Variants in N4BP2L1 observed in about 807,000 individuals in gnomAD.
N4BP2L1 encodes the protein NEDD4 binding protein 2 like 1.
Under a neutral mutation model 21.2 loss-of-function variants are expected in N4BP2L1, and 12 were observed. The ratio of observed to expected loss-of-function variants is 0.57; its 90% confidence interval spans 0.36 to 0.92. The LOEUF (loss-of-function observed/expected upper bound fraction) is 0.92. Among genes scored for constraint, N4BP2L1 ranks in the 40% least tolerant of loss-of-function variants. The probability of loss-of-function intolerance (pLI) is 0.01; values close to 1 mark genes in which losing one functional copy is unlikely to be tolerated. For synonymous variants in N4BP2L1, 104 were observed against 112.8 expected (o/e 0.92, Z 0.49); for missense variants, 259 against 310.6 (o/e 0.83, Z 1.25).
rs779542792 is a variant in N4BP2L1, at chr13:32,427,913, G to T, written c.170C>A (p.Thr57Lys). Residue 57 changes from threonine (T) to lysine (K), a missense_variant, in exon 1 of 5, where the codon ACA becomes AAA. By Grantham distance (78) the Thr-to-Lys change is moderately conservative. Transcript: ENST00000380130. ...LRGLPGSGKT[T>K]LARQLQHDFP... ...AGACCGCTGTCATTACCTGGCCAGTGTAGTTTTCCCGGAGCCCGGGAGGCC... is the reference window on the plus strand; with the variant it reads ...AGACCGCTGTCATTACCTGGCCAGTTTAGTTTTCCCGGAGCCCGGGAGGCC... 6.6e-7 allele frequency: 1 copy of T among 1,517,326 alleles called. No individual in the cohort carries two copies. Among genetic ancestry groups the T allele is most frequent in the Non-Finnish European group, 8.8e-7 (1 of 1,131,700 alleles). 94.0% of individuals were successfully genotyped at this position (1,517,326 alleles called of 1,614,324 possible). A position where few individuals can be genotyped will look rare whatever the true frequency, so the allele number is the denominator to read the frequency against.
In N4BP2L1 at chr13:32,406,077, AT is replaced by A. The variant is rs1161096431; in HGVS notation, c.396+1172del. 6.4e-3 allele frequency among the ~76,000 whole-genome samples: 874 copies of A among 136,450 alleles called. 1 individual carries two copies. The highest frequency in any genetic ancestry group is 8.1e-3 in the Non-Finnish European group (501 of 62,220). 89.5% of individuals were successfully genotyped at this position (136,450 alleles called of 152,430 possible). On this transcript the variant is annotated intron_variant, in intron 3 of 4. Transcript: ENST00000380130. ...GCCACCACGCCCGGCTAATTTTTGT[AT>A]TTTTTTTTTTTTAGTAGAGACGGGG... is the stretch of plus-strand genomic sequence containing the variant.
At position 32,411,797 on chromosome 13, in the gene N4BP2L1, T is replaced by C. The variant is rs2073878502; in HGVS notation, c.180-4025A>G. Reference sequence around the variant, plus strand: ...TTAATAATAGAGAACCATAGAGATATATTTAGATATCTCTTCAGCCAGTCA... The same window carrying C: ...TTAATAATAGAGAACCATAGAGATACATTTAGATATCTCTTCAGCCAGTCA... On this transcript the variant is annotated intron_variant, in intron 1 of 4. Coordinates refer to ENST00000380130, the MANE Select transcript of N4BP2L1 (RefSeq NM_052818.3). 4 of 974,272 alleles carry C rather than the reference T, an allele frequency of 4.1e-6. No individual in the cohort carries two copies. The South Asian group carries it at 1.9e-4, about 46-fold the overall frequency. 60.4% of individuals were successfully genotyped at this position (974,272 alleles called of 1,614,324 possible).
chr13:32,405,495 G>A (rs2073419801), intron 3 of N4BP2L1, among the ~76,000 whole-genome samples: 1 of 152,118 alleles, frequency 6.6e-6, no homozygotes. Flanking sequence ...GGGAGACAGA[G>A]CGAGACTCTC....
chr13:32,417,137 C>G (rs2074194401), intron 1 of N4BP2L1, among the ~76,000 whole-genome samples: 1 of 152,146 alleles, frequency 6.6e-6, no homozygotes, highest in Non-Finnish European at 1.5e-5. Flanking sequence ...TATAGAGTCC[C>G]AAGCTGTGTG....
chr13:32,409,758 G>C (rs570916462), intron 1 of N4BP2L1, among the ~76,000 whole-genome samples: 10 of 152,296 alleles, frequency 6.6e-5, no homozygotes, highest in East Asian at 3.9e-4. Context: ...CTGCCTCTTG[G>C]GGGAGGGGCT....
chr13:32,415,338 G>T (rs2074076143), intron 1 of N4BP2L1, among the ~76,000 whole-genome samples: 1 of 152,168 alleles, frequency 6.6e-6, no homozygotes, highest in Non-Finnish European at 1.5e-5. Flanking sequence ...AAAGAAGAAA[G>T]GGTAGTTAAC....
chr13:32,409,333 C>A (rs2137794327), intron 1 of N4BP2L1, among the ~76,000 whole-genome samples: 1 of 152,230 alleles, frequency 6.6e-6, no homozygotes, highest in Admixed American at 6.5e-5. Flanking sequence ...AAACCAAATG[C>A]ATTTTCTTTT....
At chr13:32,404,489 T>C in intron 3 of N4BP2L1, 92 bp from the exon 4 acceptor site, 1 of 888,722 alleles carries the variant, frequency 1.1e-6, no homozygotes, top group Non-Finnish European at 1.8e-6. Flanking sequence ...ACAAATCTTT[T>C]CAGAATTCCT....
At position 32,423,825 on chromosome 13, in the gene N4BP2L1, G is replaced by A. The variant is rs139564283; in HGVS notation, c.179+4079C>T. On this transcript the variant is annotated intron_variant, in intron 1 of 4. Coordinates refer to ENST00000380130, the MANE Select transcript of N4BP2L1 (RefSeq NM_052818.3). ...GCTTAATGGGCACAGAGTGTGTTTGGAGTGATAAGAAATTTTTGAAATAGA... is the reference window on the plus strand; with the variant it reads ...GCTTAATGGGCACAGAGTGTGTTTGAAGTGATAAGAAATTTTTGAAATAGA... Among the ~76,000 whole-genome samples the A allele has an allele frequency of 1.7e-3, 259 of 152,326 alleles. 4 individuals carry two copies. In the East Asian group the frequency reaches 0.043, roughly 25 times the overall value.
chr13:32,422,599 C>T (rs529332321), intron 1 of N4BP2L1, among the ~76,000 whole-genome samples: 1 of 152,354 alleles, frequency 6.6e-6, no homozygotes, highest in Non-Finnish European at 1.5e-5. Flanking sequence ...ATTGTTCCAA[C>T]AGCTCCAGGA....
At chr13:32,411,578 A>T in intron 1 of N4BP2L1, 1 of 985,350 alleles carries the variant, frequency 1.0e-6, no homozygotes, top group Non-Finnish European at 1.2e-6. Flanking sequence ...TTCTATCTTT[A>T]TGGTGGTCAG....
intron 1 of N4BP2L1, among the ~76,000 whole-genome samples, chr13:32,412,493 G>A (rs545185728): frequency 6.6e-6 from 1 of 151,904 alleles, no homozygotes; most frequent in Non-Finnish European, 1.5e-5. Flanking sequence ...CCAGACTGGT[G>A]GTGCACACCT....
At position 32,419,412 on chromosome 13, in the gene N4BP2L1, A is replaced by ATTTTTTTTTTT. The variant is rs71071039; in HGVS notation, c.179+8481_179+8491dup. Reference sequence around the variant, plus strand: ...GGGTGCTTGCCACCATGCTTGGCTAATTTTTTTTTTTTTTTTTTTTTTTTT... The same window carrying ATTTTTTTTTTT: ...GGGTGCTTGCCACCATGCTTGGCTAATTTTTTTTTTTTTTTTTTTTTTTTTTTTTTTTTTTT... On this transcript the variant is annotated intron_variant, in intron 1 of 4. Coordinates refer to ENST00000380130, the MANE Select transcript of N4BP2L1 (RefSeq NM_052818.3). The ATTTTTTTTTTT allele has an allele frequency of 1.6e-3, 458 of 284,636 alleles. 22 individuals carry two copies. The highest frequency in any genetic ancestry group is 2.1e-3 in the Non-Finnish European group (328 of 158,676). 17.6% of individuals were successfully genotyped at this position (284,636 alleles called of 1,614,324 possible).
Position 32,400,736 on chromosome 13 carries a change from T to C in N4BP2L1, c.*2206A>G, listed in dbSNP as rs543143290. ...CATCATAAGGGATAATGGTAAAAATTTGTGTTATTTATTCAGCAATCATTT... is the reference window on the plus strand; with the variant it reads ...CATCATAAGGGATAATGGTAAAAATCTGTGTTATTTATTCAGCAATCATTT... On this transcript the variant is annotated 3_prime_UTR_variant, in exon 5 of 5. Transcript: ENST00000380130. 6 of 152,192 alleles carry C rather than the reference T, an allele frequency of 3.9e-5. No individual in the cohort carries two copies. Among genetic ancestry groups the C allele is most frequent in the Non-Finnish European group, 7.3e-5 (5 of 68,028 alleles). 9.4% of individuals were successfully genotyped at this position (152,192 alleles called of 1,614,324 possible).
At chr13:32,427,043 G>C (rs916361399) in intron 1 of N4BP2L1, among the ~76,000 whole-genome samples, 1 of 152,234 alleles carries the variant, frequency 6.6e-6, no homozygotes, top group African/African-American at 2.4e-5. Context: ...AACATCAAGC[G>C]CAAGGCAGGG....
intron 1 of N4BP2L1, among the ~76,000 whole-genome samples, chr13:32,422,612 G>C (rs991818157): frequency 5.9e-5 from 9 of 152,218 alleles, no homozygotes; most frequent in Non-Finnish European, 1.3e-4. Context: ...CTCCAGGAAT[G>C]TGTTTGTGGT....
At chr13:32,405,393 C>A (rs2137739032) in intron 3 of N4BP2L1, among the ~76,000 whole-genome samples, 1 of 152,174 alleles carries the variant, frequency 6.6e-6, no homozygotes, top group Admixed American at 6.5e-5. Context: ...GCCTGTAATC[C>A]CAGCTGCTGG....
chr13:32,408,827 A>C (rs1210453840), intron 1 of N4BP2L1, among the ~76,000 whole-genome samples: 1 of 152,390 alleles, frequency 6.6e-6, no homozygotes, highest in African/African-American at 2.4e-5. Context: ...GGTCTTCTCC[A>C]TGGAGCAGAA....
Position 32,427,945 on chromosome 13 carries a change from G to A in N4BP2L1, c.138C>T (p.Leu46=). 1 of 1,530,434 alleles carries A rather than the reference G, an allele frequency of 6.5e-7. No individual in the cohort carries two copies. The highest frequency in any genetic ancestry group is 8.8e-7 in the Non-Finnish European group (1 of 1,138,124). 94.8% of individuals were successfully genotyped at this position (1,530,434 alleles called of 1,614,324 possible). The change falls in exon 1 of 5, where the codon CTC becomes CTT. Residue 46 remains leucine, a synonymous_variant. Coordinates refer to ENST00000380130, the MANE Select transcript of N4BP2L1 (RefSeq NM_052818.3). ...TCCCGGAGCCCGGGAGGCCTCGCAG[G>A]AGGTAGAGGTGTTTCCTAAAGCTGT... The part of the protein sequence containing the change: ...RRHSFRKHLY[L]LRGLPGSGKT...
Sources: allele counts gnomAD v4.1 joint callset (sites outside exome capture counted in the v4.1 genomes callset), GRCh38; gene constraint gnomAD v4.1.1; transcripts MANE v1.5; gene names NCBI Gene and HGNC (gene_info 2026-07-23, HGNC 2026-07-21).